FBXO17: variants seen among roughly 807,000 people sequenced by gnomAD.
The protein encoded by FBXO17 is F-box only protein 17.
In FBXO17, 43 loss-of-function variants were observed where a neutral mutation model predicts 34.1. The ratio of observed to expected loss-of-function variants is 1.26; its 90% CI spans 0.99 to 1.62. FBXO17 has a LOEUF of 1.62. FBXO17 is among the 40% of genes most tolerant of loss of function. FBXO17 has a pLI of 0.00. For synonymous variants in FBXO17, 169 were observed against 166.0 expected (o/e 1.02, Z -0.14); for missense variants, 424 against 386.7 (o/e 1.10, Z -0.81).
intron 1 of FBXO17, among the ~76,000 whole-genome samples, chr19:38,970,878 A>G (rs1975382193): frequency 1.3e-5 from 2 of 152,094 alleles, no homozygotes; most frequent in Admixed American, 6.6e-5. Flanking sequence ...AGGCAGGCAG[A>G]TCACTTGAGG....
chr19:38,945,509 AATCTGG>A (rs1419464492), intron 4 of FBXO17: 1 of 99,944 alleles, frequency 1.0e-5, no homozygotes, highest in South Asian at 1.3e-4. Context: ...CTGGGGGAGG[AATCTGG>A]GTGGTCCTGG....
At chr19:38,974,600 C>T (rs1975437395) in intron 1 of FBXO17, among the ~76,000 whole-genome samples, 2 of 152,022 alleles carry the variant, frequency 1.3e-5, no homozygotes, top group African/African-American at 4.8e-5. Context: ...AAGTTGTCTC[C>T]TATTTTTAGC....
intron 1 of FBXO17, among the ~76,000 whole-genome samples, chr19:38,967,914 C>A (rs1975341560): frequency 6.6e-6 from 1 of 152,118 alleles, no homozygotes; most frequent in South Asian, 2.1e-4. Context: ...ATACCCACTA[C>A]CCTGGCTATT....
chr19:38,960,345 G>C (rs1361626671), intron 1 of FBXO17, among the ~76,000 whole-genome samples: 1 of 151,730 alleles, frequency 6.6e-6, no homozygotes, highest in Admixed American at 6.6e-5. Flanking sequence ...TCCTCACTTA[G>C]GGAACTTGTG....
At chr19:38,974,374 G>A (rs938414264) in intron 1 of FBXO17, among the ~76,000 whole-genome samples, 1 of 151,986 alleles carries the variant, frequency 6.6e-6, no homozygotes, top group Non-Finnish European at 1.5e-5. Context: ...CACCGCGCAC[G>A]CCCGGCCTAA....
At chr19:38,960,831 G>A (rs1975238851) in intron 1 of FBXO17, among the ~76,000 whole-genome samples, 1 of 142,032 alleles carries the variant, frequency 7.0e-6, no homozygotes, top group Non-Finnish European at 1.5e-5. Flanking sequence ...TTTTGATATG[G>A]AGTCTTGCTC....
intron 1 of FBXO17, among the ~76,000 whole-genome samples, chr19:38,968,514 TTAAACA>T (rs1057075587): frequency 3.3e-5 from 5 of 151,132 alleles, no homozygotes; most frequent in African/African-American, 1.2e-4. Context: ...AAAAAAAAAG[TTAAACA>T]TAAACTTATA....
At chr19:38,974,397 T>A (rs1975434891) in intron 1 of FBXO17, among the ~76,000 whole-genome samples, 1 of 152,048 alleles carries the variant, frequency 6.6e-6, no homozygotes, top group Non-Finnish European at 1.5e-5. Context: ...ATATATTTTT[T>A]AAAAAGAAGC....
intron 1 of FBXO17, among the ~76,000 whole-genome samples, chr19:38,953,676 CA>C (rs781772198): frequency 2.6e-4 from 40 of 151,832 alleles, no homozygotes; most frequent in Non-Finnish European, 4.1e-4. Context: ...AAAACAAAAA[CA>C]AAAACAAAAA....
chr19:38,973,905 C>T (rs1296178374), intron 1 of FBXO17, among the ~76,000 whole-genome samples: 1 of 151,210 alleles, frequency 6.6e-6, no homozygotes, highest in African/African-American at 2.4e-5. Flanking sequence ...ATCTCTTGAG[C>T]CCAGGAGGTT....
In FBXO17 at chr19:38,944,620, C is replaced by T. The variant is rs1974945198; in HGVS notation, c.693+349G>A. 9 of 234,324 alleles carry T rather than the reference C, an allele frequency of 3.8e-5. No homozygotes were observed. The South Asian group carries it at 5.0e-4, about 13-fold the overall frequency. 14.5% of individuals were successfully genotyped at this position (234,324 alleles called of 1,614,324 possible). On this transcript the variant is annotated intron_variant, in intron 5 of 5. Transcript: ENST00000292852. ...GGTGCCAGATTGGGCTTGAGTCCAG[C>T]TCTGCACTGGACCAGTCACATAACC... is the stretch of plus-strand genomic sequence containing the variant.
At chr19:38,949,799 C>T (rs1192201541) in intron 2 of FBXO17, 172 bp downstream of exon 2, 4 of 823,668 alleles carry the variant, frequency 4.9e-6, no homozygotes, top group South Asian at 1.9e-5. Context: ...TTCACCTTCT[C>T]CAGCCCCGCC....
At chr19:38,949,273 G>T (rs1035953519) in intron 2 of FBXO17, among the ~76,000 whole-genome samples, 3 of 151,776 alleles carry the variant, frequency 2.0e-5, no homozygotes, top group African/African-American at 7.3e-5. Flanking sequence ...GGCTAATTTT[G>T]TATTTTAGTA....
chr19:38,962,909 A>G (rs1975272638), intron 1 of FBXO17, among the ~76,000 whole-genome samples: 1 of 151,766 alleles, frequency 6.6e-6, no homozygotes, highest in East Asian at 1.9e-4. Flanking sequence ...ACGGGGTTTC[A>G]CCATGTTGGC....
rs760111198 is a variant in FBXO17, at chr19:38,949,957, C to T, written c.349+14G>A. On this transcript the variant is annotated intron_variant, in intron 2 of 5. Transcript: ENST00000292852. ...GCCCCCCTCAGCCTCCTGGGCCCCG[C>T]CCCCGTCACCCACGCTCTCCGCAGG... is the stretch of plus-strand genomic sequence containing the variant. 4.6e-6 allele frequency: 7 copies of T among 1,520,782 alleles called. No homozygotes were observed. The highest frequency in any genetic ancestry group is 1.4e-5 in the African/African-American group (1 of 71,524). The allele number at this position is 1,520,782 out of a possible 1,614,324, so 94.2% of individuals were successfully genotyped here. A position where few individuals can be genotyped will look rare whatever the true frequency, so the allele number is the denominator to read the frequency against.
chr19:38,959,173 G>A (rs1012673131), intron 1 of FBXO17, among the ~76,000 whole-genome samples: 5 of 151,896 alleles, frequency 3.3e-5, no homozygotes, highest in Admixed American at 1.3e-4. Flanking sequence ...GCCTCCCAAA[G>A]TGCTGGGATT....
chr19:38,950,312 G>C lies in FBXO17; in HGVS notation c.8C>G (p.Ala3Gly). The change falls in exon 2 of 6, where the codon GCC (alanine) becomes GGC (glycine). Residue 3 changes from alanine (A) to glycine (G), a missense_variant. By Grantham distance (60) the Ala-to-Gly change is moderately conservative. Coordinates refer to ENST00000292852, the MANE Select transcript of FBXO17 (RefSeq NM_024907.7). MG[A>G]RLSRRRLPAD... ...CGGCAGCCGTCGCCGCGATAGCCGG[G>C]CGCCCATCTCCAGTAGCCAGAGTCC... is the stretch of plus-strand genomic sequence containing the variant. 1 of 1,431,252 alleles carries C rather than the reference G, an allele frequency of 7.0e-7. No homozygotes were observed. The highest frequency in any genetic ancestry group is 9.1e-7 in the Non-Finnish European group (1 of 1,101,474). 88.7% of individuals were successfully genotyped at this position (1,431,252 alleles called of 1,614,324 possible).
At chr19:38,970,202 A>C (rs1056479500) in intron 1 of FBXO17, among the ~76,000 whole-genome samples, 2 of 144,206 alleles carry the variant, frequency 1.4e-5, no homozygotes, top group African/African-American at 2.5e-5. Context: ...TATCAAAAGC[A>C]AAAAAAAAAA....
intron 1 of FBXO17, among the ~76,000 whole-genome samples, chr19:38,959,283 C>CTTT (rs71167603): frequency 1.6e-5 from 2 of 128,080 alleles, no homozygotes; most frequent in South Asian, 2.5e-4. Context: ...TTCTTTCTTT[C>CTTT]TTTTTTTTTT....
Sources: allele counts gnomAD v4.1 joint callset (sites outside exome capture counted in the v4.1 genomes callset), GRCh38; gene constraint gnomAD v4.1.1; transcripts MANE v1.5; gene names NCBI Gene and HGNC (gene_info 2026-07-23, HGNC 2026-07-21).